The following MAML3 variants were observed in gnomAD, a reference collection of about 807,000 sequenced individuals.
MAML3 encodes the protein mastermind-like protein 3.
Under a neutral mutation model 101.9 loss-of-function variants are expected in MAML3, and 27 were observed. That is an observed-to-expected ratio of 0.27 (90% CI 0.20 to 0.37). The LOEUF is 0.37. Among genes scored for constraint, MAML3 ranks in the 10% least tolerant of loss-of-function variants. The pLI is 1.00. For synonymous variants in MAML3, 501 were observed against 555.9 expected (o/e 0.90, Z 1.39); for missense variants, 1,316 against 1,444.9 (o/e 0.91, Z 1.45).
chr4:140,071,788 A>AGAGAGAGAGAGAGAGAGAGAGAG (rs1560884538), intron 1 of MAML3, among the ~76,000 whole-genome samples: 21 of 149,566 alleles, frequency 1.4e-4, no homozygotes, highest in Non-Finnish European at 2.4e-4. Flanking sequence ...AGAGAGAGAG[A>AGAGAGAGAGAGAGAGAGAGAGAG]AGGCACGCAT....
chr4:140,087,239 G>C (rs566781930), intron 1 of MAML3, among the ~76,000 whole-genome samples: 2 of 152,274 alleles, frequency 1.3e-5, no homozygotes, highest in African/African-American at 2.4e-5. Context: ...TCTTTTACTA[G>C]TGATGTTCTC....
rs1180588617 is a variant in MAML3, at chr4:139,890,198, C to T, written c.1238G>A (p.Cys413Tyr). 1 of 1,613,230 alleles carries T rather than the reference C, an allele frequency of 6.2e-7. No homozygotes were observed. Among genetic ancestry groups the T allele is most frequent in the Non-Finnish European group, 8.5e-7 (1 of 1,179,880 alleles). The change falls in exon 2 of 5, where the codon TGT becomes TAT. Residue 413 changes from cysteine to tyrosine, a missense_variant. Cys to Tyr is a radical substitution (Grantham distance 194, BLOSUM62 -2). Coordinates refer to ENST00000509479, the MANE Select transcript of MAML3 (RefSeq NM_018717.5). The surrounding 1 kb of genome is among the most constrained non-coding windows in gnomAD (Gnocchi z 4.1). Reference protein sequence around the residue: ...APNPASSPANCAVQSPQTPNQ... With the variant: ...APNPASSPANYAVQSPQTPNQ... ...TGGAGTTTGAGGGGACTGGACAGCA[C>T]AGTTTGCTGGTGAGCTTGCAGGGTT...
At chr4:139,925,995 T>C (rs1733219466) in intron 1 of MAML3, among the ~76,000 whole-genome samples, 2 of 152,014 alleles carry the variant, frequency 1.3e-5, no homozygotes, top group Non-Finnish European at 2.9e-5. Context: ...CAAAGAACTT[T>C]TTAGGGTGAT....
intron 2 of MAML3, among the ~76,000 whole-genome samples, chr4:139,745,584 C>T (rs1036230030): frequency 1.3e-5 from 2 of 152,158 alleles, no homozygotes; most frequent in Non-Finnish European, 2.9e-5. Context: ...ATTTTCCGGT[C>T]TGGGATCCCA....
intron 2 of MAML3, among the ~76,000 whole-genome samples, chr4:139,746,939 G>T (rs1317250363): frequency 1.3e-5 from 2 of 152,144 alleles, no homozygotes; most frequent in Non-Finnish European, 2.9e-5. Flanking sequence ...GCCAGCTTTT[G>T]TCGGGGGTTC....
At chr4:139,987,345 A>G (rs1036358564) in intron 1 of MAML3, among the ~76,000 whole-genome samples, 1 of 152,170 alleles carries the variant, frequency 6.6e-6, no homozygotes, top group Non-Finnish European at 1.5e-5. Context: ...AGGCAGAAAA[A>G]CAGATGTCGA....
intron 1 of MAML3, among the ~76,000 whole-genome samples, chr4:139,972,402 C>A (rs568222354): frequency 1.2e-3 from 185 of 152,286 alleles, no homozygotes; most frequent in Middle Eastern, 3.4e-3. Flanking sequence ...CCATCAGAAC[C>A]AGTTTACAAG....
intron 1 of MAML3, among the ~76,000 whole-genome samples, chr4:140,131,015 A>C (rs547906259): frequency 5.3e-5 from 8 of 152,224 alleles, no homozygotes; most frequent in African/African-American, 1.9e-4. Flanking sequence ...CATCTTGCTG[A>C]CTAGCCCTAA....
At chr4:139,819,579 T>C (rs1356353267) in intron 2 of MAML3, among the ~76,000 whole-genome samples, 1 of 152,192 alleles carries the variant, frequency 6.6e-6, no homozygotes, top group Non-Finnish European at 1.5e-5. Context: ...TTTTAACTTC[T>C]TCTTGGGTAT....
chr4:139,812,863 G>C (rs1364006337), intron 2 of MAML3, among the ~76,000 whole-genome samples: 1 of 151,228 alleles, frequency 6.6e-6, no homozygotes, highest in Non-Finnish European at 1.5e-5. Context: ...TTTAAGGAAA[G>C]CCTCTAATAT....
chr4:140,092,087 CGT>C lies in MAML3; in HGVS notation c.468+60771_468+60772del, dbSNP rs1491484956. ...TTATATATATATACGTATATATATA[CGT>C]ATATATATATATACGTATATATATA... On this transcript the variant is annotated intron_variant, in intron 1 of 4. Transcript: ENST00000509479. Among the ~76,000 whole-genome samples, 4 of 51,690 alleles carry C rather than the reference CGT, an allele frequency of 7.7e-5. 1 individual carries two copies. The highest frequency in any genetic ancestry group is 2.3e-4 in the Non-Finnish European group (4 of 17,752). 33.9% of individuals were successfully genotyped at this position (51,690 alleles called of 152,430 possible).
At chr4:139,973,354 A>G (rs983056272) in intron 1 of MAML3, among the ~76,000 whole-genome samples, 10 of 152,192 alleles carry the variant, frequency 6.6e-5, no homozygotes, top group African/African-American at 2.4e-4. Context: ...CGCTTTCCCT[A>G]CTTCAGTCCA....
intron 2 of MAML3, among the ~76,000 whole-genome samples, chr4:139,827,097 C>T (rs528193598): frequency 1.3e-4 from 20 of 152,058 alleles, no homozygotes; most frequent in Non-Finnish European, 2.8e-4. Context: ...ATGATAGGAG[C>T]GTCTTGGTGG....
intron 1 of MAML3, among the ~76,000 whole-genome samples, chr4:140,075,390 C>T (rs1371286518): frequency 6.6e-6 from 1 of 152,190 alleles, no homozygotes; most frequent in East Asian, 1.9e-4. Context: ...ATGCAAGTCT[C>T]TTGTGCTCTT....
At chr4:140,054,368 C>CA (rs1344234590) in intron 1 of MAML3, among the ~76,000 whole-genome samples, 13,188 of 68,348 alleles carry the variant, frequency 0.19, 720 homozygotes, top group Non-Finnish European at 0.22. Context: ...GACTCCGTCT[C>CA]AAAAAAAAAA....
chr4:140,045,507 A>C (rs1406426116), intron 1 of MAML3, among the ~76,000 whole-genome samples: 1 of 152,072 alleles, frequency 6.6e-6, no homozygotes, highest in Non-Finnish European at 1.5e-5. Context: ...TTCAATCTAA[A>C]ATATTCTTCT....
At chr4:139,853,193 G>C (rs1480941954) in intron 2 of MAML3, among the ~76,000 whole-genome samples, 1 of 152,120 alleles carries the variant, frequency 6.6e-6, no homozygotes, top group Non-Finnish European at 1.5e-5. Context: ...ACAGACTAAG[G>C]ACAGGCTTCT....
At chr4:139,860,960 T>C (rs1731770156) in intron 2 of MAML3, among the ~76,000 whole-genome samples, 1 of 152,164 alleles carries the variant, frequency 6.6e-6, no homozygotes, top group Non-Finnish European at 1.5e-5. Context: ...TACTCAGTGT[T>C]TTTAAACTCA....
At chr4:139,944,618 C>G (rs1259597801) in intron 1 of MAML3, among the ~76,000 whole-genome samples, 1 of 151,260 alleles carries the variant, frequency 6.6e-6, no homozygotes, top group African/African-American at 2.4e-5. Flanking sequence ...AACAAACAAC[C>G]CCATCAAAAA....
Sources: gnomAD v4.1 joint callset for allele counts (sites outside exome capture counted in the v4.1 genomes callset) on GRCh38, gnomAD v4.1.1 for gene constraint, Gnocchi (gnomAD v3.1) non-coding constraint, MANE v1.5 for transcripts, NCBI Gene and HGNC (gene_info 2026-07-23, HGNC 2026-07-21) for gene names.